The following TSPAN5 variants were observed in gnomAD, a reference collection of about 807,000 sequenced individuals.
TSPAN5 encodes the protein tetraspanin-5.
A neutral mutation model predicts 37.1 loss-of-function variants in TSPAN5; 10 were observed. That is an observed-to-expected ratio of 0.27 (90% CI 0.17 to 0.46). The LOEUF (loss-of-function observed/expected upper bound fraction) is 0.46, where lower values mean the gene tolerates loss of function less well. Among genes scored for constraint, TSPAN5 ranks in the 20% least tolerant of loss-of-function variants. TSPAN5 has a pLI of 1.00. For missense variants in TSPAN5, 195 were observed against 326.6 expected (o/e 0.60, Z 3.11); for synonymous variants, 110 against 118.9 (o/e 0.93, Z 0.48).
rs1752613207 is a variant in TSPAN5, at chr4:98,472,565, T to C, written c.764A>G (p.Gln255Arg). 6.2e-7 allele frequency: 1 copy of C among 1,614,054 alleles called. No individual in the cohort carries two copies. The highest frequency in any genetic ancestry group is 8.5e-7 in the Non-Finnish European group (1 of 1,179,978). The change falls in exon 8 of 8, where the codon CAG becomes CGG. Residue 255 changes from glutamine (Q) to arginine (R), a missense_variant. By Grantham distance (43) the Gln-to-Arg change is conservative. Coordinates refer to ENST00000305798, the MANE Select transcript of TSPAN5 (RefSeq NM_005723.4). ...LLQIFGICLA[Q>R]NLVSDIEAVR... is the part of the protein sequence containing the mutation. ...AGCTTCGATATCGCTAACCAAATTCTGGGCCAGGCATATCCCAAATATCTG... is the reference window on the plus strand; with the variant it reads ...AGCTTCGATATCGCTAACCAAATTCCGGGCCAGGCATATCCCAAATATCTG...
intron 1 of TSPAN5, among the ~76,000 whole-genome samples, chr4:98,523,249 T>C (rs1477673076): frequency 3.3e-5 from 5 of 152,178 alleles, no homozygotes; most frequent in African/African-American, 9.7e-5. Context: ...AACAACAGCA[T>C]GAGGGATGTG....
At chr4:98,564,784 C>A (rs961551260) in intron 1 of TSPAN5, among the ~76,000 whole-genome samples, 2 of 151,846 alleles carry the variant, frequency 1.3e-5, no homozygotes, top group African/African-American at 2.4e-5. Context: ...AGGCTTCGCC[C>A]CCTGGGGTTC....
Position 98,470,482 on chromosome 4 carries a change from C to G in TSPAN5, c.*2040G>C, listed in dbSNP as rs1315039359. The G allele has an allele frequency of 1.3e-5, 2 of 152,236 alleles. No individual in the cohort carries two copies. Among genetic ancestry groups the G allele is most frequent in the African/African-American group, 4.8e-5 (2 of 41,464 alleles). The allele number at this position is 152,236 out of a possible 1,614,324, so 9.4% of individuals were successfully genotyped here. A position where few individuals can be genotyped will look rare whatever the true frequency, so the allele number is the denominator to read the frequency against. On this transcript the variant is annotated 3_prime_UTR_variant, in exon 8 of 8. Coordinates refer to ENST00000305798, the MANE Select transcript of TSPAN5 (RefSeq NM_005723.4). ...CACTCGGACTTGCTGTTTGGCCTTT[C>G]AGTGGATGTGCCAAAGGGCAGGGAT...
At chr4:98,483,958 T>G (rs1752904460) in intron 3 of TSPAN5, 1 of 163,040 alleles carries the variant, frequency 6.1e-6, no homozygotes, top group African/African-American at 2.4e-5. Context: ...ATATGAATTA[T>G]GAATTATCAC....
At chr4:98,572,353 G>A (rs1485548667) in intron 1 of TSPAN5, among the ~76,000 whole-genome samples, 1 of 152,120 alleles carries the variant, frequency 6.6e-6, no homozygotes, top group Non-Finnish European at 1.5e-5. Flanking sequence ...ACAAAGCCTG[G>A]ACAGTGACAC....
At position 98,501,874 on chromosome 4, in the gene TSPAN5, G is replaced by C. The variant is rs1274155128; in HGVS notation, c.132+5804C>G. Among the ~76,000 whole-genome samples the C allele has an allele frequency of 2.0e-5, 3 of 152,214 alleles. No homozygotes were observed. The East Asian group carries it at 5.8e-4, about 29-fold the overall frequency. On this transcript the variant is annotated intron_variant, in intron 2 of 7. Transcript: ENST00000305798. ...AGGATCACTCCAGCTGCTGCACAGA[G>C]ACAGCCCTAGGGTGAGGGTCAGGGT...
intron 1 of TSPAN5, among the ~76,000 whole-genome samples, chr4:98,620,397 T>C (rs536841563): frequency 2.2e-4 from 34 of 152,198 alleles, no homozygotes; most frequent in Non-Finnish European, 4.0e-4. Flanking sequence ...AGCTCCCTTA[T>C]GATTCTGGCC....
intron 1 of TSPAN5, among the ~76,000 whole-genome samples, chr4:98,514,903 G>T (rs183099349): frequency 6.6e-6 from 1 of 152,312 alleles, no homozygotes; most frequent in African/African-American, 2.4e-5. Flanking sequence ...GTGAGTAGAT[G>T]CAGGGAATTT....
intron 1 of TSPAN5, among the ~76,000 whole-genome samples, chr4:98,585,183 A>G (rs1350807858): frequency 1.3e-5 from 2 of 152,222 alleles, no homozygotes; most frequent in Admixed American, 1.3e-4. Flanking sequence ...TGGTGTGCAT[A>G]TATTGCATAG....
intron 1 of TSPAN5, among the ~76,000 whole-genome samples, chr4:98,619,586 T>TA (rs1756434075): frequency 6.6e-6 from 1 of 152,192 alleles, no homozygotes; most frequent in Non-Finnish European, 1.5e-5. Flanking sequence ...GTGAGCAAAA[T>TA]AAGCTTACTG....
chr4:98,637,339 A>G (rs1022096453), intron 1 of TSPAN5, among the ~76,000 whole-genome samples: 2 of 152,178 alleles, frequency 1.3e-5, no homozygotes, highest in African/African-American at 4.8e-5. Flanking sequence ...ACTCTCCCAC[A>G]GATACTTCCC....
intron 1 of TSPAN5, among the ~76,000 whole-genome samples, chr4:98,563,825 A>G (rs1488244601): frequency 3.9e-5 from 6 of 152,200 alleles, no homozygotes; most frequent in Admixed American, 1.3e-4. Context: ...ATCTGGAGAC[A>G]TCTTGGTTGT....
At chr4:98,586,785 G>A (rs1015096097) in intron 1 of TSPAN5, among the ~76,000 whole-genome samples, 2 of 152,226 alleles carry the variant, frequency 1.3e-5, no homozygotes, top group Non-Finnish European at 2.9e-5. Flanking sequence ...TTCTCTTACA[G>A]ATAACACACA....
intron 1 of TSPAN5, among the ~76,000 whole-genome samples, chr4:98,650,823 C>A (rs1372481811): frequency 6.6e-6 from 1 of 152,104 alleles, no homozygotes; most frequent in East Asian, 1.9e-4. Flanking sequence ...TGCCAGAGAG[C>A]AAGATGGTGC....
chr4:98,652,061 T>C (rs1757201740), intron 1 of TSPAN5, among the ~76,000 whole-genome samples: 1 of 151,962 alleles, frequency 6.6e-6, no homozygotes, highest in East Asian at 1.9e-4. Flanking sequence ...GGTCTCACTA[T>C]GTTACCCAGG....
At chr4:98,538,849 C>T (rs1025797433) in intron 1 of TSPAN5, among the ~76,000 whole-genome samples, 20 of 152,166 alleles carry the variant, frequency 1.3e-4, no homozygotes, top group African/African-American at 4.3e-4. Flanking sequence ...GAAGAATTCA[C>T]TCAAATTTAT....
Position 98,476,429 on chromosome 4 carries a change from T to A in TSPAN5, c.608A>T (p.Asp203Val). The A allele has an allele frequency of 6.2e-7, 1 of 1,614,202 alleles. No individual in the cohort carries two copies. The highest frequency in any genetic ancestry group is 8.5e-7 in the Non-Finnish European group (1 of 1,180,032). ...TCCACTTACTGGTTTTTGCCTGGCATCATAGCCACACTGAGTGTTGATGAC... is the reference window on the plus strand; with the variant it reads ...TCCACTTACTGGTTTTTGCCTGGCAACATAGCCACACTGAGTGTTGATGAC... The part of the protein sequence containing the change: ...EDVINTQCGY[D>V]ARQKPEVDQQ... Residue 203 changes from aspartate (D) to valine (V), a missense_variant, in exon 6 of 8, where the codon GAT becomes GTT. Asp to Val is a radical substitution (Grantham distance 152). Transcript: ENST00000305798.
intron 1 of TSPAN5, among the ~76,000 whole-genome samples, chr4:98,616,948 CG>C (rs1258719156): frequency 2.6e-5 from 4 of 151,718 alleles, no homozygotes; most frequent in Non-Finnish European, 5.9e-5. Context: ...CTCGACCTCC[CG>C]AGTAGCTGGG....
intron 1 of TSPAN5, among the ~76,000 whole-genome samples, chr4:98,570,750 G>A (rs1755100055): frequency 6.6e-6 from 1 of 152,040 alleles, no homozygotes; most frequent in South Asian, 2.1e-4. Context: ...AACCTAATGT[G>A]ACCTAAGCCC....
Sources: allele counts gnomAD v4.1 joint callset (sites outside exome capture counted in the v4.1 genomes callset), GRCh38; gene constraint gnomAD v4.1.1; transcripts MANE v1.5; gene names NCBI Gene and HGNC (gene_info 2026-07-23, HGNC 2026-07-21).